Variants in RBFOX1 observed in about 807,000 individuals in gnomAD.
RBFOX1 encodes the protein RNA binding fox-1 homolog 1, also known as RNA binding protein fox-1 homolog 1.
RBFOX1 carries 8 observed loss-of-function variants against 57.7 expected under a neutral mutation model. The observed-to-expected ratio is 0.14, with a 90% CI of 0.08 to 0.25. The LOEUF (loss-of-function observed/expected upper bound fraction) is 0.25. Among genes scored for constraint, RBFOX1 ranks in the 10% least tolerant of loss-of-function variants. The pLI, the probability that RBFOX1 is intolerant of heterozygous loss-of-function variation, is 1.00. For missense variants in RBFOX1, 611 were observed against 548.5 expected (o/e 1.11, Z -1.14); for synonymous variants, 326 against 222.4 (o/e 1.47, Z -4.15).
At chr16:6,878,094 T>A (rs1247640599) in intron 3 of RBFOX1, among the ~76,000 whole-genome samples, 2 of 152,104 alleles carry the variant, frequency 1.3e-5, no homozygotes, top group Non-Finnish European at 2.9e-5. Context: ...ATGGCTGAGA[T>A]ATATGGTGGC....
intron 1 of RBFOX1, among the ~76,000 whole-genome samples, chr16:5,394,220 C>T (rs1432110145): frequency 6.6e-6 from 1 of 152,110 alleles, no homozygotes; most frequent in Non-Finnish European, 1.5e-5. Context: ...GACAGGGCTT[C>T]ACCATGTTGG....
chr16:5,801,341 CTT>C (rs56826567), intron 3 of RBFOX1, among the ~76,000 whole-genome samples: 5 of 143,380 alleles, frequency 3.5e-5, no homozygotes, highest in Non-Finnish European at 3.0e-5. Context: ...CTCCCTCTCT[CTT>C]TTTTTTTTTT....
In RBFOX1 at chr16:6,019,952, G is replaced by A; in HGVS notation, c.-167G>A. 3 of 1,532,922 alleles carry A rather than the reference G, an allele frequency of 2.0e-6. No homozygotes were observed. Among genetic ancestry groups the A allele is most frequent in the Non-Finnish European group, 2.6e-6 (3 of 1,144,964 alleles). 95.0% of individuals were successfully genotyped at this position (1,532,922 alleles called of 1,614,324 possible). A position where few individuals can be genotyped will look rare whatever the true frequency, so the allele number is the denominator to read the frequency against. On this transcript the variant is annotated 5_prime_UTR_variant, in exon 1 of 16. Transcript: ENST00000550418. The surrounding 1 kb of genome is among the most constrained non-coding windows in gnomAD (Gnocchi z 4.2). ...GCGCACGGGAATTCGGGGGTCTGGG[G>A]CCGAGAACGTGACCGCAGCCGGGCT...
chr16:6,594,681 C>G (rs566178144), intron 2 of RBFOX1, among the ~76,000 whole-genome samples: 2 of 113,944 alleles, frequency 1.8e-5, no homozygotes, highest in African/African-American at 6.0e-5. Context: ...GGACCCAGCA[C>G]GCTCATCTTT....
chr16:6,359,401 G>A (rs1372369090), intron 2 of RBFOX1, among the ~76,000 whole-genome samples: 10 of 152,110 alleles, frequency 6.6e-5, no homozygotes, highest in African/African-American at 2.4e-5. Flanking sequence ...CCTAAAAAGG[G>A]TCTTTTTGAC....
chr16:7,005,755 C>T lies in RBFOX1; in HGVS notation c.-15-46302C>T, dbSNP rs529154013. On this transcript the variant is annotated intron_variant, in intron 3 of 15. Transcript: ENST00000550418. Reference sequence around the variant, plus strand: ...TAGGTGATCATGTCTGAACTCAGTCCAAAACATGGACCTTGCCTAAATCGC... The same window carrying T: ...TAGGTGATCATGTCTGAACTCAGTCTAAAACATGGACCTTGCCTAAATCGC... Among the ~76,000 whole-genome samples the T allele has an allele frequency of 1.1e-4, 16 of 152,296 alleles. No homozygotes were observed. In the East Asian group the frequency reaches 3.1e-3, roughly 29 times the overall value.
At chr16:5,526,139 G>T (rs931320282) in intron 2 of RBFOX1, among the ~76,000 whole-genome samples, 1 of 152,006 alleles carries the variant, frequency 6.6e-6, no homozygotes, top group Non-Finnish European at 1.5e-5. Context: ...CCTCTGTCTC[G>T]AGAGTGACTT....
At chr16:5,699,934 C>T (rs1018119593) in intron 3 of RBFOX1, among the ~76,000 whole-genome samples, 9 of 152,092 alleles carry the variant, frequency 5.9e-5, no homozygotes, top group South Asian at 2.1e-4. Context: ...CCCGGGTTCA[C>T]GCCATTCTCC....
chr16:5,803,950 C>A (rs1217475942), intron 3 of RBFOX1, among the ~76,000 whole-genome samples: 1 of 152,166 alleles, frequency 6.6e-6, no homozygotes, highest in African/African-American at 2.4e-5. Context: ...CCAATTCATG[C>A]CCTTCCCTAC....
chr16:5,544,870 T>G (rs2045118886), intron 2 of RBFOX1, among the ~76,000 whole-genome samples: 1 of 150,936 alleles, frequency 6.6e-6, no homozygotes, highest in Non-Finnish European at 1.5e-5. Context: ...TAACCCTATA[T>G]CAAGTTTTAG....
chr16:6,379,415 C>A (rs992252160), intron 2 of RBFOX1, among the ~76,000 whole-genome samples: 2 of 152,148 alleles, frequency 1.3e-5, no homozygotes, highest in Non-Finnish European at 2.9e-5. Flanking sequence ...CCCCCGCCCC[C>A]CTACTTTCAC....
chr16:7,305,150 T>TTTTTTC (rs2096147976), intron 4 of RBFOX1, among the ~76,000 whole-genome samples: 1 of 151,932 alleles, frequency 6.6e-6, no homozygotes, highest in African/African-American at 2.4e-5. Flanking sequence ...GGTTTTTTTT[T>TTTTTTC]CCCTTTCACT....
intron 3 of RBFOX1, among the ~76,000 whole-genome samples, chr16:6,954,100 A>T (rs903468182): frequency 2.0e-5 from 3 of 152,202 alleles, no homozygotes; most frequent in African/African-American, 4.8e-5. Context: ...AACAGACAAC[A>T]CTTAAGGTGT....
intron 3 of RBFOX1, among the ~76,000 whole-genome samples, chr16:5,751,830 A>G (rs1171875054): frequency 2.0e-5 from 3 of 152,238 alleles, no homozygotes; most frequent in South Asian, 2.1e-4. Context: ...TTGGTGGGAA[A>G]GTAAATTAGT....
intron 3 of RBFOX1, among the ~76,000 whole-genome samples, chr16:6,889,547 T>G (rs2064934971): frequency 6.6e-6 from 1 of 152,208 alleles, no homozygotes; most frequent in African/African-American, 2.4e-5. Context: ...TCACCCTGTC[T>G]TGAATGATGA....
chr16:6,846,241 G>A (rs1291242389), intron 3 of RBFOX1, among the ~76,000 whole-genome samples: 1 of 152,194 alleles, frequency 6.6e-6, no homozygotes, highest in Non-Finnish European at 1.5e-5. Context: ...CTGTGTGATA[G>A]CTTCACCTCC....
chr16:6,498,659 G>A (rs988226769), intron 2 of RBFOX1, among the ~76,000 whole-genome samples: 5 of 152,168 alleles, frequency 3.3e-5, no homozygotes, highest in South Asian at 4.1e-4. Context: ...TAAGGACTTC[G>A]ATAAGGGTTT....
At chr16:6,253,261 A>G (rs185945922) in intron 1 of RBFOX1, among the ~76,000 whole-genome samples, 1 of 152,146 alleles carries the variant, frequency 6.6e-6, no homozygotes, top group Admixed American at 6.5e-5. Context: ...ATTGACTTTC[A>G]CCTAACAGAT....
chr16:6,488,562 T>C (rs903188773), intron 2 of RBFOX1, among the ~76,000 whole-genome samples: 1 of 152,166 alleles, frequency 6.6e-6, no homozygotes, highest in African/African-American at 2.4e-5. Context: ...AGACTTTTTA[T>C]AATTAGAAAA....
Sources: gnomAD v4.1 joint callset for allele counts (sites outside exome capture counted in the v4.1 genomes callset) on GRCh38, gnomAD v4.1.1 for gene constraint, Gnocchi (gnomAD v3.1) non-coding constraint, MANE v1.5 for transcripts, NCBI Gene and HGNC (gene_info 2026-07-23, HGNC 2026-07-21) for gene names.